The following KIRREL1 variants were observed in gnomAD, a reference collection of about 807,000 sequenced individuals.
KIRREL1 encodes the protein kin of IRRE-like protein 1.
In KIRREL1, 25 loss-of-function variants were observed where a neutral mutation model predicts 83.3. That is an observed-to-expected ratio of 0.30 (90% CI 0.22 to 0.42). KIRREL1 has a LOEUF of 0.42. Ranked by LOEUF, KIRREL1 falls within the 10% of genes least tolerant of loss-of-function variation. The pLI, the probability that KIRREL1 is intolerant of heterozygous loss-of-function variation, is 1.00. For missense variants in KIRREL1, 812 were observed against 1,032.3 expected (o/e 0.79, Z 2.92); for synonymous variants, 388 against 410.4 (o/e 0.95, Z 0.66).
At position 158,094,690 on chromosome 1, in the gene KIRREL1, C is replaced by T. The variant is rs948720050; in HGVS notation, c.1844C>T (p.Pro615Leu). The change falls in exon 15 of 15, where the codon CCG (proline) becomes CTG (leucine). Residue 615 changes from proline (P) to leucine (L), a missense_variant. Transcript: ENST00000359209. The surrounding 1 kb of genome is among the most constrained non-coding windows in gnomAD (Gnocchi z 4.6). The part of the protein sequence containing the change: ...YYNVRAHEDR[P>L]SSRAVLYADY... ...AACGTGCGTGCCCATGAAGACCGCCCGTCTTCCAGGGCAGTGCTCTATGCT... is the reference window on the plus strand; with the variant it reads ...AACGTGCGTGCCCATGAAGACCGCCTGTCTTCCAGGGCAGTGCTCTATGCT... 7 of 1,610,672 alleles carry T rather than the reference C, an allele frequency of 4.3e-6. No homozygotes were observed. The highest frequency in any genetic ancestry group is 1.7e-5 in the Admixed American group (1 of 59,934).
intron 1 of KIRREL1, among the ~76,000 whole-genome samples, chr1:158,015,100 C>T (rs755282468): frequency 3.3e-4 from 50 of 152,192 alleles, no homozygotes; most frequent in Non-Finnish European, 6.2e-4. Context: ...AAATGAGTTT[C>T]ATAAAGTCAC....
At chr1:158,067,985 C>G (rs905813039) in intron 1 of KIRREL1, among the ~76,000 whole-genome samples, 1 of 152,136 alleles carries the variant, frequency 6.6e-6, no homozygotes, top group Non-Finnish European at 1.5e-5. Flanking sequence ...ATACCCCCAG[C>G]CTTAGAGACG....
intron 1 of KIRREL1, among the ~76,000 whole-genome samples, chr1:158,019,010 T>C (rs1659921763): frequency 6.6e-6 from 1 of 152,240 alleles, no homozygotes; most frequent in Non-Finnish European, 1.5e-5. Flanking sequence ...TCCCTATTCC[T>C]GTTCCCGTTT....
chr1:158,067,559 T>C (rs1661388695), intron 1 of KIRREL1, among the ~76,000 whole-genome samples: 1 of 152,238 alleles, frequency 6.6e-6, no homozygotes, highest in Non-Finnish European at 1.5e-5. Flanking sequence ...GGGAAGGCCC[T>C]TGGGGGCCAA....
At position 158,093,394 on chromosome 1, in the gene KIRREL1, C is replaced by T. The variant is rs1558019901; in HGVS notation, c.1527C>T (p.Leu509=). The T allele has an allele frequency of 6.2e-7, 1 of 1,614,246 alleles. No individual in the cohort carries two copies. The highest frequency in any genetic ancestry group is 1.1e-5 in the South Asian group (1 of 91,082). The change falls in exon 12 of 15, where the codon CTC becomes CTT. Residue 509 remains leucine (L), a synonymous_variant. Transcript: ENST00000359209. ...CCACCATCGGCGCGAGCATCCTGCT[C>T]ATCTTCTTCTTCATCGCCTTGGTAT... ...AGATIGASIL[L]IFFFIALVFF... is the part of the protein sequence containing the mutation.
At chr1:158,008,488 G>A (rs185143988) in intron 1 of KIRREL1, among the ~76,000 whole-genome samples, 86 of 152,266 alleles carry the variant, frequency 5.6e-4, no homozygotes, top group African/African-American at 2.0e-3. Context: ...TCCCCAGTGA[G>A]GTTCAGTCAA....
chr1:158,096,369 C>CTTT lies in KIRREL1; in HGVS notation c.*1259_*1261dup. On this transcript the variant is annotated 3_prime_UTR_variant, in exon 15 of 15. Coordinates refer to ENST00000359209, the MANE Select transcript of KIRREL1 (RefSeq NM_018240.7). The stretch of plus-strand genomic sequence containing the variant: ...GAGACAGGTTTTGGTTTTTAAGTGT[C>CTTT]TTTTTTTTTTTTCTTGGACCAATCA... 2.3e-5 allele frequency: 7 copies of CTTT among 301,178 alleles called. No individual in the cohort carries two copies. The highest frequency in any genetic ancestry group is 2.8e-5 in the South Asian group (1 of 36,218). 18.7% of individuals were successfully genotyped at this position (301,178 alleles called of 1,614,324 possible). A position where few individuals can be genotyped will look rare whatever the true frequency, so the allele number is the denominator to read the frequency against.
chr1:158,091,335 T>C (rs770572142), intron 10 of KIRREL1, 23 bp from the exon 11 acceptor site: 1 of 1,608,318 alleles, frequency 6.2e-7, no homozygotes. Context: ...TTTCTTACCT[T>C]CTTCCTTCCC....
rs78460232 is a variant in KIRREL1, at chr1:158,000,770, C to T, written c.52+7042C>T. Among the ~76,000 whole-genome samples, 1,465 of 152,286 alleles carry T rather than the reference C, an allele frequency of 9.6e-3. 27 individuals are homozygous for T. The highest frequency in any genetic ancestry group is 0.033 in the African/African-American group (1,383 of 41,550). Reference sequence around the variant, plus strand: ...GCAGTCCTCATCCCTCTCTGCCCTCCTTGAGCCCATTTAACAAAATAGGCA... The same window carrying T: ...GCAGTCCTCATCCCTCTCTGCCCTCTTTGAGCCCATTTAACAAAATAGGCA... On this transcript the variant is annotated intron_variant, in intron 1 of 14. Coordinates refer to ENST00000359209, the MANE Select transcript of KIRREL1 (RefSeq NM_018240.7).
chr1:158,037,565 A>G (rs1275782933), intron 1 of KIRREL1, among the ~76,000 whole-genome samples: 1 of 152,008 alleles, frequency 6.6e-6, no homozygotes, highest in African/African-American at 2.4e-5. Context: ...TAAGTGAATC[A>G]ATGTCTATAA....
chr1:158,033,479 C>G (rs1660384138), intron 1 of KIRREL1, among the ~76,000 whole-genome samples: 1 of 152,178 alleles, frequency 6.6e-6, no homozygotes, highest in South Asian at 2.1e-4. Context: ...GAGCACCTTG[C>G]AGTTCTGGGC....
intron 1 of KIRREL1, among the ~76,000 whole-genome samples, chr1:158,035,272 G>T (rs1660445040): frequency 6.6e-6 from 1 of 152,210 alleles, no homozygotes; most frequent in Admixed American, 6.5e-5. Context: ...AGGGCCCCAG[G>T]CAGCGAGTGT....
Position 158,078,831 on chromosome 1 carries a change from C to T in KIRREL1, c.352+691C>T, listed in dbSNP as rs550701762. On this transcript the variant is annotated intron_variant, in intron 3 of 14. Transcript: ENST00000359209. ...AAGCCCTGCGCCAGCCAGGCAGCCA[C>T]CCACTGGGGGACCGAGCAGATGTCC... Among the ~76,000 whole-genome samples, 260 of 152,310 alleles carry T rather than the reference C, an allele frequency of 1.7e-3. 2 individuals are homozygous for T. Among genetic ancestry groups the T allele is most frequent in the African/African-American group, 6.1e-3 (253 of 41,570 alleles).
At chr1:158,042,021 C>A (rs1413553501) in intron 1 of KIRREL1, among the ~76,000 whole-genome samples, 2 of 152,156 alleles carry the variant, frequency 1.3e-5, no homozygotes, top group Non-Finnish European at 2.9e-5. Flanking sequence ...GAACTTGCTA[C>A]ATTGCCTGAG....
At chr1:158,080,978 A>G (rs1195777598) in intron 3 of KIRREL1, among the ~76,000 whole-genome samples, 1 of 97,854 alleles carries the variant, frequency 1.0e-5, no homozygotes, top group African/African-American at 3.5e-5. Flanking sequence ...GCCTCCCTGC[A>G]TGATGTCAGC....
intron 1 of KIRREL1, among the ~76,000 whole-genome samples, chr1:158,070,928 A>G (rs1661493337): frequency 6.6e-6 from 1 of 152,004 alleles, no homozygotes; most frequent in South Asian, 2.1e-4. Flanking sequence ...TAATTAGACT[A>G]TTCACCTGCC....
chr1:158,058,204 C>A (rs1196391371), intron 1 of KIRREL1, among the ~76,000 whole-genome samples: 1 of 152,118 alleles, frequency 6.6e-6, no homozygotes, highest in Non-Finnish European at 1.5e-5. Flanking sequence ...CCTGCACCAC[C>A]ACTGACTCAA....
At chr1:158,045,577 C>T (rs780809887) in intron 1 of KIRREL1, among the ~76,000 whole-genome samples, 9 of 152,180 alleles carry the variant, frequency 5.9e-5, no homozygotes, top group African/African-American at 9.7e-5. Context: ...ATGGAGCTTC[C>T]GTGCCCTCTC....
chr1:158,094,880 A>C lies in KIRREL1; in HGVS notation c.2034A>C (p.Thr678=), dbSNP rs1177643644. ...CTGCTGCCCCAGCTGGCACTGACAC[A>C]ACCAGCCAGCTGTCCTACGAGAACT... ...PGPAAPAGTD[T]TSQLSYENYE... Residue 678 remains threonine, a synonymous_variant, in exon 15 of 15, where the codon ACA becomes ACC. Coordinates refer to ENST00000359209, the MANE Select transcript of KIRREL1 (RefSeq NM_018240.7). This position sits in a 1 kb window ranked among gnomAD's most constrained non-coding sequence, Gnocchi z 4.6. The C allele has an allele frequency of 6.2e-7, 1 of 1,613,874 alleles. No homozygotes were observed. The highest frequency in any genetic ancestry group is 1.1e-5 in the South Asian group (1 of 91,064).
Sources: gnomAD v4.1 joint callset for allele counts (sites outside exome capture counted in the v4.1 genomes callset) on GRCh38, gnomAD v4.1.1 for gene constraint, Gnocchi (gnomAD v3.1) non-coding constraint, MANE v1.5 for transcripts, NCBI Gene and HGNC (gene_info 2026-07-23, HGNC 2026-07-21) for gene names.